RARB: variants seen among roughly 807,000 people sequenced by gnomAD.
RARB encodes HBV-activated protein.
RARB carries 17 observed loss-of-function variants against 51.9 expected under a neutral mutation model. The ratio of observed to expected loss-of-function variants is 0.33; its 90% CI spans 0.22 to 0.49. The LOEUF is 0.49. RARB is among the 20% of genes least tolerant of loss of function. The pLI, the probability that RARB is intolerant of heterozygous loss-of-function variation, is 0.99. For missense variants in RARB, 369 were observed against 550.8 expected (o/e 0.67, Z 3.30); for synonymous variants, 215 against 195.4 (o/e 1.10, Z -0.84).
At chr3:25,008,066 A>C (rs1185225101) in intron 2 of RARB, among the ~76,000 whole-genome samples, 1 of 152,120 alleles carries the variant, frequency 6.6e-6, no homozygotes, top group African/African-American at 2.4e-5. Flanking sequence ...CTAATGTTGA[A>C]TCTTGAAGTC....
At chr3:24,974,105 A>G (rs1005229142) in intron 2 of RARB, among the ~76,000 whole-genome samples, 1 of 151,906 alleles carries the variant, frequency 6.6e-6, no homozygotes, top group South Asian at 2.1e-4. Flanking sequence ...TATGGCCCTT[A>G]TTATTTTGAG....
chr3:25,378,622 T>G (rs1299183037), intron 5 of RARB, among the ~76,000 whole-genome samples: 1 of 152,192 alleles, frequency 6.6e-6, no homozygotes, highest in African/African-American at 2.4e-5. Context: ...GTTTTAATTT[T>G]TTCTCAAACT....
At position 25,373,348 on chromosome 3, in the gene RARB, A is replaced by G. The variant is rs1575351683; in HGVS notation, c.179-87845A>G. On this transcript the variant is annotated intron_variant, in intron 5 of 11. Transcript: ENST00000383772. ...CTTGGAGTTTGCCAAGCTAAGCTGG[A>G]TGAGAAACCAACCCAGGAAATGAAG... 3.3e-5 allele frequency among the ~76,000 whole-genome samples: 5 copies of G among 152,278 alleles called. No homozygotes were observed. The South Asian group carries it at 1.0e-3, about 32-fold the overall frequency.
chr3:25,368,559 G>A (rs1706202966), intron 5 of RARB, among the ~76,000 whole-genome samples: 1 of 152,152 alleles, frequency 6.6e-6, no homozygotes, highest in Admixed American at 6.5e-5. Flanking sequence ...TGAAAGAGGT[G>A]GCAATGTGCT....
chr3:25,497,286 G>C (rs1246499936), intron 2 of RARB, among the ~76,000 whole-genome samples: 1 of 152,178 alleles, frequency 6.6e-6, no homozygotes, highest in Non-Finnish European at 1.5e-5. Context: ...CCTCAGAGGT[G>C]TTACGATGAC....
chr3:25,174,649 G>C, intron 5 of RARB: 1 of 1,258,754 alleles, frequency 7.9e-7, no homozygotes, highest in Non-Finnish European at 1.1e-6. Flanking sequence ...CGGAATGGTT[G>C]GTATCCAGGG....
intron 3 of RARB, among the ~76,000 whole-genome samples, chr3:25,526,829 G>C (rs541158454): frequency 6.6e-6 from 1 of 152,256 alleles, no homozygotes; most frequent in South Asian, 2.1e-4. Flanking sequence ...TAGATCTTTA[G>C]TTTCCCATGA....
intron 2 of RARB, among the ~76,000 whole-genome samples, chr3:24,877,824 C>A (rs1239311238): frequency 6.6e-6 from 1 of 152,180 alleles, no homozygotes; most frequent in Non-Finnish European, 1.5e-5. Context: ...GGAAAATCTA[C>A]CTGTCCACAG....
chr3:25,195,386 T>C (rs143041209), intron 5 of RARB, among the ~76,000 whole-genome samples: 24 of 152,102 alleles, frequency 1.6e-4, no homozygotes, highest in African/African-American at 5.8e-4. Flanking sequence ...TTTGATGACA[T>C]TGGATTTGGT....
chr3:25,240,697 TA>T (rs1702411041), intron 5 of RARB, among the ~76,000 whole-genome samples: 1 of 152,128 alleles, frequency 6.6e-6, no homozygotes, highest in African/African-American at 2.4e-5. Flanking sequence ...GTTCATGGTG[TA>T]TTATCTTTTT....
intron 4 of RARB, among the ~76,000 whole-genome samples, chr3:25,164,689 G>T (rs1700532026): frequency 6.6e-6 from 1 of 152,144 alleles, no homozygotes; most frequent in East Asian, 1.9e-4. Flanking sequence ...CCCTATTATG[G>T]TTTCAATTAT....
At chr3:25,148,616 C>T (rs1264034166) in intron 4 of RARB, among the ~76,000 whole-genome samples, 1 of 152,128 alleles carries the variant, frequency 6.6e-6, no homozygotes, top group Non-Finnish European at 1.5e-5. Context: ...GTGGAAAATA[C>T]AAGTATAGAC....
At chr3:24,866,259 C>T (rs902040636) in intron 2 of RARB, among the ~76,000 whole-genome samples, 34 of 152,110 alleles carry the variant, frequency 2.2e-4, no homozygotes, top group Admixed American at 1.7e-3. Flanking sequence ...CATCCCCCCA[C>T]GCTTTTGCAC....
At chr3:25,184,742 G>T (rs1311764127) in intron 5 of RARB, among the ~76,000 whole-genome samples, 1 of 152,010 alleles carries the variant, frequency 6.6e-6, no homozygotes, top group Non-Finnish European at 1.5e-5. Flanking sequence ...AGAGTAAAAA[G>T]TAGGCTAAGT....
chr3:25,467,551 A>C lies in RARB; in HGVS notation c.306+6210A>C, dbSNP rs530805537. Among the ~76,000 whole-genome samples, 29 of 152,216 alleles carry C rather than the reference A, an allele frequency of 1.9e-4. No individual in the cohort carries two copies. In the East Asian group the frequency reaches 4.7e-3, roughly 24 times the overall value. ...ACTTATCCAGTGAACCAGCTCAAAC[A>C]AACACTTCTCACCCTCTGCTTGTAT... On this transcript the variant is annotated intron_variant, in intron 2 of 7. Transcript: ENST00000330688.
intron 5 of RARB, among the ~76,000 whole-genome samples, chr3:25,319,376 T>A (rs559199996): frequency 4.5e-4 from 69 of 152,316 alleles, no homozygotes; most frequent in South Asian, 3.9e-3. Flanking sequence ...ATAACTAGTT[T>A]CCCTTCTGTG....
At chr3:24,949,978 G>T (rs1217432492) in intron 2 of RARB, among the ~76,000 whole-genome samples, 3 of 152,212 alleles carry the variant, frequency 2.0e-5, no homozygotes, top group East Asian at 3.9e-4. Flanking sequence ...AGAGGGAAGA[G>T]CGAAAGGACA....
At chr3:25,142,774 C>T (rs999744832) in intron 4 of RARB, among the ~76,000 whole-genome samples, 1 of 152,186 alleles carries the variant, frequency 6.6e-6, no homozygotes, top group South Asian at 2.1e-4. Context: ...AGCAAATGGG[C>T]TGCAATCTAT....
intron 5 of RARB, among the ~76,000 whole-genome samples, chr3:25,235,924 T>C (rs1205722845): frequency 1.3e-5 from 2 of 152,194 alleles, no homozygotes; most frequent in Non-Finnish European, 2.9e-5. Flanking sequence ...AACCCTGTTT[T>C]CTTATATTTT....
Sources: gnomAD v4.1 joint callset for allele counts (sites outside exome capture counted in the v4.1 genomes callset) on GRCh38, gnomAD v4.1.1 for gene constraint, MANE v1.5 for transcripts, NCBI Gene and HGNC (gene_info 2026-07-23, HGNC 2026-07-21) for gene names.